The following TRAPPC8 variants were observed in gnomAD, a reference collection of about 807,000 sequenced individuals.
TRAPPC8 encodes the protein trafficking protein particle complex subunit 8.
TRAPPC8 carries 54 observed loss-of-function variants against 174.3 expected under a neutral mutation model. That is an observed-to-expected ratio of 0.31 (90% confidence interval 0.25 to 0.39). The LOEUF (loss-of-function observed/expected upper bound fraction) is 0.39. TRAPPC8 is among the 10% of genes least tolerant of loss of function. The probability of loss-of-function intolerance (pLI) is 1.00; values close to 1 mark genes in which losing one functional copy is unlikely to be tolerated. For missense variants in TRAPPC8, 1,531 were observed against 1,699.1 expected (o/e 0.90, Z 1.74); for synonymous variants, 630 against 579.9 (o/e 1.09, Z -1.24).
At chr18:31,931,187 G>C in intron 2 of TRAPPC8, 142 bp downstream of exon 2, 1 of 618,622 alleles carries the variant, frequency 1.6e-6, no homozygotes, top group Non-Finnish European at 2.4e-6. Flanking sequence ...AAGTTCCTAG[G>C]ACTGTTTTCA....
At chr18:31,941,397 C>A (rs1210363782) in intron 1 of TRAPPC8, among the ~76,000 whole-genome samples, 1 of 152,030 alleles carries the variant, frequency 6.6e-6, no homozygotes, top group Non-Finnish European at 1.5e-5. Context: ...GGGCTGAGAT[C>A]GCGCCACTGC....
intron 10 of TRAPPC8, among the ~76,000 whole-genome samples, chr18:31,898,862 T>C (rs2036291528): frequency 6.6e-6 from 1 of 152,222 alleles, no homozygotes; most frequent in Admixed American, 6.5e-5. Context: ...GTTTTTCTTT[T>C]TACTTTCTAA....
Position 31,931,462 on chromosome 18 carries a change from G to A in TRAPPC8, c.219C>T (p.Ser73=). The part of the protein sequence containing the change: ...HVIKNLKIAV[S]NIVTQPPQPG... The stretch of plus-strand genomic sequence containing the variant: ...GCTGAGGTGGCTGGGTGACAATGTT[G>A]CTTACTGCTATCTTCAAATTTTTAA... Residue 73 remains serine (S), a synonymous_variant, in exon 2 of 29, where the codon AGC becomes AGT. Coordinates refer to ENST00000283351, the MANE Select transcript of TRAPPC8 (RefSeq NM_014939.5). The A allele has an allele frequency of 6.2e-7, 1 of 1,611,912 alleles. No homozygotes were observed. Among genetic ancestry groups the A allele is most frequent in the African/African-American group, 1.3e-5 (1 of 74,956 alleles).
intron 7 of TRAPPC8, 70 bp downstream of exon 7, chr18:31,908,684 C>A (rs866121174): frequency 2.9e-6 from 4 of 1,390,214 alleles, no homozygotes; most frequent in Middle Eastern, 2.7e-4. Context: ...ACTTCAAATA[C>A]GTTTAATAAT....
chr18:31,832,182 G>C lies in TRAPPC8; in HGVS notation c.3984-9C>G. Reference sequence around the variant, plus strand: ...CTGGTACTAAACAAAGGCTATGGAAGAAAAATAAACAAAAAAGTTATATAT... The same window carrying C: ...CTGGTACTAAACAAAGGCTATGGAACAAAAATAAACAAAAAAGTTATATAT... On this transcript the variant is annotated splice_polypyrimidine_tract_variant and intron_variant, in intron 27 of 28. Transcript: ENST00000283351. 2 of 1,460,770 alleles carry C rather than the reference G, an allele frequency of 1.4e-6. No homozygotes were observed. Among genetic ancestry groups the C allele is most frequent in the Non-Finnish European group, 1.8e-6 (2 of 1,109,546 alleles). The allele number at this position is 1,460,770 out of a possible 1,614,324, so 90.5% of individuals were successfully genotyped here.
intron 4 of TRAPPC8, among the ~76,000 whole-genome samples, chr18:31,915,469 A>AAGGGGGG (rs1555678148): frequency 1.0e-5 from 1 of 98,790 alleles, no homozygotes; most frequent in African/African-American, 4.2e-5. Flanking sequence ...TCAAAAAAAA[A>AAGGGGGG]GGGGGGGGGG....
chr18:31,915,926 G>A (rs902631170), intron 4 of TRAPPC8, among the ~76,000 whole-genome samples: 10 of 149,338 alleles, frequency 6.7e-5, no homozygotes, highest in East Asian at 3.9e-4. Context: ...GCATGGTGGC[G>A]GGCACCTGTA....
In TRAPPC8 at chr18:31,931,047, CTTAT is replaced by C. The variant is rs758828992; in HGVS notation, c.352+278_352+281del. Among the ~76,000 whole-genome samples, 261 of 152,180 alleles carry C rather than the reference CTTAT, an allele frequency of 1.7e-3. 1 individual carries two copies. Among genetic ancestry groups the C allele is most frequent in the African/African-American group, 5.2e-3 (214 of 41,530 alleles). ...AGATAAAAATACAATAAACTTAATGCTTATTTAATTATAATATTACTTATGTCAC... is the reference window on the plus strand; with the variant it reads ...AGATAAAAATACAATAAACTTAATGCTTAATTATAATATTACTTATGTCAC... On this transcript the variant is annotated intron_variant, in intron 2 of 28. Coordinates refer to ENST00000283351, the MANE Select transcript of TRAPPC8 (RefSeq NM_014939.5).
In TRAPPC8 at chr18:31,913,354, AT is replaced by A. The variant is rs749078298; in HGVS notation, c.771+14del. On this transcript the variant is annotated intron_variant, in intron 5 of 28. Coordinates refer to ENST00000283351, the MANE Select transcript of TRAPPC8 (RefSeq NM_014939.5). ...ATCGTTTTTGTGGTTTGCTTCATTTATTTTTTACATATACCTGGTTTTGAAT... is the reference window on the plus strand; with the variant it reads ...ATCGTTTTTGTGGTTTGCTTCATTTATTTTTACATATACCTGGTTTTGAAT... 7 of 1,554,190 alleles carry A rather than the reference AT, an allele frequency of 4.5e-6. No homozygotes were observed. The Admixed American group carries it at 1.6e-4, about 34-fold the overall frequency.
chr18:31,840,958 T>C (rs2033061366), intron 26 of TRAPPC8, among the ~76,000 whole-genome samples: 1 of 151,640 alleles, frequency 6.6e-6, no homozygotes, highest in Non-Finnish European at 1.5e-5. Context: ...AAAAAAAGAT[T>C]ATAGCCTAAT....
At chr18:31,929,114 G>A (rs2037746067) in intron 2 of TRAPPC8, among the ~76,000 whole-genome samples, 1 of 151,826 alleles carries the variant, frequency 6.6e-6, no homozygotes. Context: ...CCCGGGAGGT[G>A]GAGGTTTCAG....
intron 2 of TRAPPC8, among the ~76,000 whole-genome samples, chr18:31,927,227 C>A (rs761860901): frequency 2.0e-4 from 31 of 152,138 alleles, no homozygotes; most frequent in Non-Finnish European, 3.8e-4. Flanking sequence ...CTCACCTCAG[C>A]CTCCTGAGTA....
intron 11 of TRAPPC8, among the ~76,000 whole-genome samples, chr18:31,894,728 T>C (rs2036112668): frequency 6.6e-6 from 1 of 152,186 alleles, no homozygotes; most frequent in Admixed American, 6.5e-5. Flanking sequence ...GCTTTTAAGA[T>C]TTCATCTCTG....
chr18:31,876,780 G>A (rs1425710492), intron 12 of TRAPPC8, among the ~76,000 whole-genome samples: 4 of 147,462 alleles, frequency 2.7e-5, no homozygotes, highest in Admixed American at 1.3e-4. Context: ...CCAACTGATG[G>A]GGAGTCCCTC....
At position 31,852,502 on chromosome 18, in the gene TRAPPC8, C is replaced by T. The variant is rs745383278; in HGVS notation, c.3505G>A (p.Ala1169Thr). Residue 1169 changes from alanine (A) to threonine (T), a missense_variant and splice_region_variant, in exon 24 of 29, where the codon GCC becomes ACC. Physicochemically the swap from Ala to Thr is moderately conservative, Grantham distance 58. Coordinates refer to ENST00000283351, the MANE Select transcript of TRAPPC8 (RefSeq NM_014939.5). ...GTATATTTTTCAGAGGACTGTGTGG[C>T]CGCTAAAAAACAGGGGAAAACAAAC... ...KAIRCEKEEAATQSSEKYTFA... is the reference protein window; with the variant it reads ...KAIRCEKEEATTQSSEKYTFA... 1.2e-6 allele frequency: 2 copies of T among 1,614,086 alleles called. No homozygotes were observed. Among genetic ancestry groups the T allele is most frequent in the South Asian group, 1.1e-5 (1 of 91,084 alleles).
chr18:31,913,354 A>AT lies in TRAPPC8; in HGVS notation c.771+14dup, dbSNP rs749078298. On this transcript the variant is annotated intron_variant, in intron 5 of 28. Transcript: ENST00000283351. ...ATCGTTTTTGTGGTTTGCTTCATTT[A>AT]TTTTTTACATATACCTGGTTTTGAA... is the stretch of plus-strand genomic sequence containing the variant. 19 of 1,554,070 alleles carry AT rather than the reference A, an allele frequency of 1.2e-5. No individual in the cohort carries two copies. The Admixed American group carries it at 4.2e-4, about 35-fold the overall frequency.
chr18:31,868,382 A>G (rs188732355), intron 16 of TRAPPC8, among the ~76,000 whole-genome samples: 80 of 152,334 alleles, frequency 5.3e-4, no homozygotes, highest in Middle Eastern at 3.4e-3. Context: ...TTATTTTAAG[A>G]AACACTTCAT....
intron 26 of TRAPPC8, among the ~76,000 whole-genome samples, chr18:31,841,067 A>G (rs1381696144): frequency 1.3e-5 from 2 of 152,210 alleles, no homozygotes; most frequent in African/African-American, 4.8e-5. Flanking sequence ...TGAAACTGGT[A>G]TGATATACAA....
chr18:31,943,006 C>T lies in TRAPPC8; in HGVS notation c.-242G>A. ...GCGCTCGTCCCCGCGTGCTCGCATT[C>T]CACCCCGATAGGTGGAGACGCCGAC... On this transcript the variant is annotated 5_prime_UTR_variant, in exon 1 of 29. Transcript: ENST00000283351. The T allele has an allele frequency of 1.3e-6, 1 of 759,388 alleles. No homozygotes were observed. Among genetic ancestry groups the T allele is most frequent in the Non-Finnish European group, 1.8e-6 (1 of 554,452 alleles). 47.0% of individuals were successfully genotyped at this position (759,388 alleles called of 1,614,324 possible).
Sources: allele counts gnomAD v4.1 joint callset (sites outside exome capture counted in the v4.1 genomes callset), GRCh38; gene constraint gnomAD v4.1.1; transcripts MANE v1.5; gene names NCBI Gene and HGNC (gene_info 2026-07-23, HGNC 2026-07-21).